TFPI: variants seen among roughly 807,000 people sequenced by gnomAD.
TFPI encodes tissue factor pathway inhibitor, also known as anti-convertin.
In TFPI, 15 loss-of-function variants were observed where a neutral mutation model predicts 34.6. The ratio of observed to expected loss-of-function variants is 0.43; its 90% CI spans 0.29 to 0.67. The LOEUF (loss-of-function observed/expected upper bound fraction) is 0.67, where lower values mean the gene tolerates loss of function less well. Among genes scored for constraint, TFPI ranks in the 30% least tolerant of loss-of-function variants. The pLI is 0.15. For missense variants in TFPI, 301 were observed against 364.0 expected, an observed-to-expected ratio of 0.83 and a Z score of 1.41; for synonymous variants, 105 against 120.1, an observed-to-expected ratio of 0.87 and a Z score of 0.82.
At chr2:187,487,871 T>A (rs2106030831) in intron 4 of TFPI, among the ~76,000 whole-genome samples, 1 of 151,494 alleles carries the variant, frequency 6.6e-6, no homozygotes, top group African/African-American at 2.4e-5. Context: ...TTGGTGAAAC[T>A]TGCTAAAGCC....
At chr2:187,540,342 C>T (rs1023059704) in intron 1 of TFPI, among the ~76,000 whole-genome samples, 2 of 152,136 alleles carry the variant, frequency 1.3e-5, no homozygotes, top group African/African-American at 4.8e-5. Flanking sequence ...ATACTATGAT[C>T]AAAATCACAG....
At chr2:187,468,016 G>A in intron 6 of TFPI, 84 bp from the exon 7 acceptor site, 1 of 1,145,802 alleles carries the variant, frequency 8.7e-7, no homozygotes, top group Non-Finnish European at 1.2e-6. Flanking sequence ...ATAGATTAAT[G>A]TTGTTGCATG....
At chr2:187,499,022 G>A (rs8176439) in intron 2 of TFPI, among the ~76,000 whole-genome samples, 2,076 of 151,804 alleles carry the variant, frequency 0.014, 49 homozygotes, top group African/African-American at 0.047. Context: ...CAATAACAGT[G>A]TCACTAAATC....
intron 2 of TFPI, among the ~76,000 whole-genome samples, chr2:187,499,810 G>C (rs1685732267): frequency 6.6e-6 from 1 of 152,064 alleles, no homozygotes; most frequent in Non-Finnish European, 1.5e-5. Context: ...CATATAATGT[G>C]ATGTTATTCA....
intron 4 of TFPI, among the ~76,000 whole-genome samples, chr2:187,487,331 G>T (rs1354513034): frequency 1.6e-5 from 2 of 123,472 alleles, no homozygotes; most frequent in African/African-American, 7.0e-5. Context: ...TTTTAAAATT[G>T]TAAGTACATT....
chr2:187,478,788 G>C, intron 6 of TFPI: 1 of 1,613,004 alleles, frequency 6.2e-7, no homozygotes. Context: ...ACCATCATTT[G>C]TTCCTTCTTT....
At chr2:187,517,821 G>C (rs953316628) in intron 1 of TFPI, 3 of 152,154 alleles carry the variant, frequency 2.0e-5, no homozygotes, top group African/African-American at 7.2e-5. Context: ...GAATCTGGGT[G>C]CTCCTGTATT....
intron 1 of TFPI, among the ~76,000 whole-genome samples, chr2:187,538,352 T>C (rs1358205540): frequency 6.6e-6 from 1 of 152,158 alleles, no homozygotes; most frequent in Non-Finnish European, 1.5e-5. Flanking sequence ...CTGACAATGA[T>C]AGACTGGATA....
intron 6 of TFPI, among the ~76,000 whole-genome samples, chr2:187,479,355 TG>T (rs1692648045): frequency 6.6e-6 from 1 of 151,726 alleles, no homozygotes; most frequent in Non-Finnish European, 1.5e-5. Flanking sequence ...TGTTCCTTTT[TG>T]TCTCTCTCTC....
intron 1 of TFPI, chr2:187,518,488 G>A (rs561745199): frequency 6.6e-6 from 1 of 152,334 alleles, no homozygotes; most frequent in Admixed American, 6.5e-5. Context: ...CTGGCTTGTA[G>A]AGTTTCTGCA....
In TFPI at chr2:187,467,009, A is replaced by C; in HGVS notation, c.842T>G (p.Ile281Ser). 1 of 1,589,682 alleles carries C rather than the reference A, an allele frequency of 6.3e-7. No individual in the cohort carries two copies. Among genetic ancestry groups the C allele is most frequent in the Non-Finnish European group, 8.6e-7 (1 of 1,165,800 alleles). The change falls in exon 8 of 8, where the codon ATT becomes AGT. Residue 281 changes from isoleucine to serine, a missense_variant. Coordinates refer to ENST00000233156, the MANE Select transcript of TFPI (RefSeq NM_006287.6). Reference protein sequence around the residue: ...FIQRISKGGLIKTKRKRKKQR... With the variant: ...FIQRISKGGLSKTKRKRKKQR... ...CTTCTTTCTTTTTCTTTTGGTTTTA[A>C]TTAGGCCTCCTTTTGATATTCTTTG...
intron 1 of TFPI, among the ~76,000 whole-genome samples, chr2:187,546,442 A>G (rs1688869227): frequency 6.6e-6 from 1 of 152,076 alleles, no homozygotes; most frequent in Non-Finnish European, 1.5e-5. Context: ...AAAAAAAACA[A>G]ATAAAAGTTA....
chr2:187,484,492 T>G (rs561122770), intron 5 of TFPI: 58 of 492,542 alleles, frequency 1.2e-4, no homozygotes, highest in African/African-American at 9.8e-4. Flanking sequence ...TAGGTGGTGG[T>G]TTTCAGTAAC....
intron 2 of TFPI, among the ~76,000 whole-genome samples, chr2:187,497,496 A>G (rs907623166): frequency 3.9e-5 from 6 of 152,064 alleles, no homozygotes; most frequent in African/African-American, 7.2e-5. Flanking sequence ...TCACATATAT[A>G]TATACACACA....
At chr2:187,491,150 C>A (rs557844809) in intron 3 of TFPI, among the ~76,000 whole-genome samples, 1 of 151,982 alleles carries the variant, frequency 6.6e-6, no homozygotes, top group East Asian at 1.9e-4. Context: ...TACTGATTGG[C>A]ACTTTTTTTC....
chr2:187,493,019 C>G (rs549094615), intron 3 of TFPI, among the ~76,000 whole-genome samples: 1 of 152,208 alleles, frequency 6.6e-6, no homozygotes, highest in South Asian at 2.1e-4. Flanking sequence ...TCTCACAGCT[C>G]CACTAGGCAG....
At chr2:187,499,221 C>T (rs182144158) in intron 2 of TFPI, among the ~76,000 whole-genome samples, 78 of 151,650 alleles carry the variant, frequency 5.1e-4, no homozygotes, top group African/African-American at 1.8e-3. Context: ...TAGAGAGTTT[C>T]TGGTACCTAT....
chr2:187,491,595 A>G (rs1382187843), intron 3 of TFPI, among the ~76,000 whole-genome samples: 1 of 152,028 alleles, frequency 6.6e-6, no homozygotes, highest in Non-Finnish European at 1.5e-5. Context: ...TATTTACCCA[A>G]TCATCTGTTA....
rs1691649760 is a variant in TFPI, at chr2:187,465,047, T to C, written c.*1889A>G. 6.6e-6 allele frequency: 1 copy of C among 152,152 alleles called. No homozygotes were observed. The highest frequency in any genetic ancestry group is 1.5e-5 in the Non-Finnish European group (1 of 68,026). 9.4% of individuals were successfully genotyped at this position (152,152 alleles called of 1,614,324 possible). A position where few individuals can be genotyped will look rare whatever the true frequency, so the allele number is the denominator to read the frequency against. Reference sequence around the variant, plus strand: ...ATTCTTAACTAAATCAAAGTAGTCATGAAAGAAAGTACTGTTGGTAAATCC... The same window carrying C: ...ATTCTTAACTAAATCAAAGTAGTCACGAAAGAAAGTACTGTTGGTAAATCC... On this transcript the variant is annotated 3_prime_UTR_variant, in exon 8 of 8. Transcript: ENST00000233156.
Sources: gnomAD v4.1 joint callset for allele counts (sites outside exome capture counted in the v4.1 genomes callset) on GRCh38, gnomAD v4.1.1 for gene constraint, MANE v1.5 for transcripts, NCBI Gene and HGNC (gene_info 2026-07-23, HGNC 2026-07-21) for gene names.